The following DMD variants were observed in gnomAD, a reference collection of about 807,000 sequenced individuals.
DMD encodes dystrophin.
A neutral mutation model predicts 330.1 loss-of-function variants in DMD; 63 were observed. The ratio of observed to expected loss-of-function variants is 0.19; its 90% confidence interval spans 0.16 to 0.24. The LOEUF (loss-of-function observed/expected upper bound fraction) is 0.24. DMD is among the 10% of genes least tolerant of loss of function. The pLI is 1.00. For synonymous variants in DMD, 1,223 were observed against 959.8 expected (o/e 1.27, Z -5.07); for missense variants, 3,344 against 2,684.1 (o/e 1.25, Z -5.43).
intron 44 of DMD, among the ~76,000 whole-genome samples, chrX:32,104,735 C>T (rs1473553637): frequency 2.7e-5 from 3 of 111,694 alleles, no homozygotes; most frequent in African/African-American, 6.5e-5. Flanking sequence ...CAGACACTTG[C>T]GCCTATGTTA....
At chrX:33,031,366 A>G (rs1322311081) in intron 1 of DMD, among the ~76,000 whole-genome samples, 3 of 111,021 alleles carry the variant, frequency 2.7e-5, no homozygotes, top group Non-Finnish European at 5.7e-5. Flanking sequence ...CAATTGTTGC[A>G]TGGGATATGT....
At chrX:31,893,974 G>A (rs1047275106) in intron 47 of DMD, among the ~76,000 whole-genome samples, 5 of 111,278 alleles carry the variant, frequency 4.5e-5, no homozygotes, top group African/African-American at 1.3e-4. Context: ...AGCCCTGAAC[G>A]TGTCACTGAG....
At chrX:33,176,637 G>A (rs931561153) in intron 1 of DMD, among the ~76,000 whole-genome samples, 8 of 109,889 alleles carry the variant, frequency 7.3e-5, no homozygotes, top group African/African-American at 2.6e-4. Flanking sequence ...GTGAGTGAAG[G>A]GATGAAAATT....
At chrX:31,731,848 T>C (rs904448058) in intron 51 of DMD, among the ~76,000 whole-genome samples, 4 of 111,695 alleles carry the variant, frequency 3.6e-5, no homozygotes, top group African/African-American at 1.3e-4. Flanking sequence ...TTTTAAGATT[T>C]CAAAGTTCAT....
chrX:32,958,973 G>A (rs1265786297), intron 2 of DMD, among the ~76,000 whole-genome samples: 1 of 108,792 alleles, frequency 9.2e-6, no homozygotes, highest in Admixed American at 1.0e-4. Context: ...GGGGGGATGA[G>A]GGGTGTGTTA....
In DMD at chrX:31,815,094, T is replaced by C. The variant is rs752803703; in HGVS notation, c.7309+4881A>G. On this transcript the variant is annotated intron_variant, in intron 50 of 78. Coordinates refer to ENST00000357033, the MANE Select transcript of DMD (RefSeq NM_004006.3). ...AATTTATTCTTCCCCACTCACTGTA[T>C]GTCTGTGGTAGTAGTTCTCAAAGCA... 9.8e-5 allele frequency among the ~76,000 whole-genome samples: 11 copies of C among 112,302 alleles called. No individual in the cohort carries two copies. The South Asian group carries it at 4.1e-3, about 42-fold the overall frequency.
intron 52 of DMD, among the ~76,000 whole-genome samples, chrX:31,688,388 G>C (rs1262746127): frequency 1.8e-5 from 2 of 110,917 alleles, no homozygotes; most frequent in Admixed American, 9.6e-5. Context: ...ATAAATTCCT[G>C]CACACATACA....
chrX:33,250,085 T>TTATATATATATATATATATATATATA lies in DMD; in HGVS notation c.7+89148_7+89173dup, dbSNP rs560212408. Among the ~76,000 whole-genome samples the TTATATATATATATATATATATATATA allele has an allele frequency of 1.3e-3, 99 of 75,372 alleles. 2 individuals carry two copies. Among genetic ancestry groups the TTATATATATATATATATATATATATA allele is most frequent in the South Asian group, 3.4e-3 (5 of 1,461 alleles). 65.5% of individuals were successfully genotyped at this position (75,372 alleles called of 115,157 possible). Reference sequence around the variant, plus strand: ...AGCCCACATAGTAGTAAACTATTCATTATATATATATATATATATATATAT... The same window carrying TTATATATATATATATATATATATATA: ...AGCCCACATAGTAGTAAACTATTCATTATATATATATATATATATATATATATATATATATATATATATATATATAT... On this transcript the variant is annotated intron_variant, in intron 1 of 17. Coordinates refer to the DMD transcript ENST00000288447.
intron 19 of DMD, among the ~76,000 whole-genome samples, chrX:32,495,054 T>C (rs770537553): frequency 1.2e-4 from 13 of 111,634 alleles, no homozygotes; most frequent in Non-Finnish European, 2.4e-4. Flanking sequence ...GAGATTGAAG[T>C]TATAAAGAAA....
chrX:32,377,369 G>A (rs1165466056), intron 34 of DMD, among the ~76,000 whole-genome samples: 1 of 111,865 alleles, frequency 8.9e-6, no homozygotes, highest in African/African-American at 3.2e-5. Flanking sequence ...CTGAGAGATT[G>A]ATACAGGTTC....
At chrX:32,846,846 A>G (rs959085006) in intron 3 of DMD, among the ~76,000 whole-genome samples, 1 of 109,499 alleles carries the variant, frequency 9.1e-6, no homozygotes, top group Non-Finnish European at 1.9e-5. Flanking sequence ...ATGTCTACTA[A>G]AAATACAAAA....
At chrX:32,097,874 A>T (rs904083653) in intron 44 of DMD, among the ~76,000 whole-genome samples, 9 of 111,816 alleles carry the variant, frequency 8.0e-5, no homozygotes, top group African/African-American at 2.6e-4. Context: ...CCCATTTTTA[A>T]CACGGACTGT....
At position 32,667,199 on chromosome X, in the gene DMD, G is replaced by A. The variant is rs765200668; in HGVS notation, c.961-22047C>T. ...CAATGAGCTCTAGAACTCCTCATGCGTAGAAATCACCCTACATTTGACTTT... is the reference window on the plus strand; with the variant it reads ...CAATGAGCTCTAGAACTCCTCATGCATAGAAATCACCCTACATTTGACTTT... On this transcript the variant is annotated intron_variant, in intron 9 of 78. Transcript: ENST00000357033. 9.0e-5 allele frequency among the ~76,000 whole-genome samples: 10 copies of A among 111,390 alleles called. No individual in the cohort carries two copies. In the East Asian group the frequency reaches 2.3e-3, roughly 25 times the overall value.
intron 1 of DMD, among the ~76,000 whole-genome samples, chrX:33,025,889 TG>T (rs1161066862): frequency 9.0e-6 from 1 of 111,438 alleles, no homozygotes; most frequent in African/African-American, 3.3e-5. Flanking sequence ...GATATTTCCT[TG>T]GGGGCTAGTT....
intron 48 of DMD, among the ~76,000 whole-genome samples, chrX:31,839,559 C>T (rs753441103): frequency 1.1e-4 from 12 of 111,435 alleles, no homozygotes; most frequent in African/African-American, 3.9e-4. Flanking sequence ...ATTTTTTTTG[C>T]AAAATTTTAC....
intron 33 of DMD, 75 bp from the exon 34 acceptor site, chrX:32,380,755 C>A (rs1603632121): frequency 1.3e-5 from 11 of 829,950 alleles, no homozygotes; most frequent in Non-Finnish European, 1.9e-5. Flanking sequence ...TTATTTGGAA[C>A]TTTTATATTT....
intron 30 of DMD, among the ~76,000 whole-genome samples, chrX:32,400,422 T>A (rs2098078229): frequency 9.0e-6 from 1 of 111,489 alleles, no homozygotes; most frequent in Non-Finnish European, 1.9e-5. Context: ...AAATTCTCTT[T>A]TTTGGTTGTG....
intron 62 of DMD, among the ~76,000 whole-genome samples, chrX:31,317,581 C>T (rs1272983365): frequency 9.6e-6 from 1 of 103,897 alleles, no homozygotes; most frequent in Non-Finnish European, 2.0e-5. Context: ...GGCGCGATCT[C>T]GTCCACTGCA....
At chrX:32,682,384 C>T (rs1353586146) in intron 9 of DMD, among the ~76,000 whole-genome samples, 1 of 111,231 alleles carries the variant, frequency 9.0e-6, no homozygotes, top group Non-Finnish European at 1.9e-5. Flanking sequence ...GTCCCGTGAC[C>T]GACTGCCTTT....
Sources: gnomAD v4.1 joint callset for allele counts (sites outside exome capture counted in the v4.1 genomes callset) on GRCh38, gnomAD v4.1.1 for gene constraint, MANE v1.5 for transcripts, NCBI Gene and HGNC (gene_info 2026-07-23, HGNC 2026-07-21) for gene names.